The following DLGAP1 variants were observed in gnomAD, a reference collection of about 807,000 sequenced individuals.
The protein encoded by DLGAP1 is DLG associated protein 1.
A neutral mutation model predicts 90.8 loss-of-function variants in DLGAP1; 11 were observed. The observed-to-expected ratio is 0.12, with a 90% confidence interval of 0.08 to 0.20. DLGAP1 has a LOEUF of 0.20. Among genes scored for constraint, DLGAP1 ranks in the 10% least tolerant of loss-of-function variants. DLGAP1 has a pLI of 1.00. For missense variants in DLGAP1, 1,050 were observed against 1,333.8 expected (o/e 0.79, Z 3.31); for synonymous variants, 558 against 540.7 (o/e 1.03, Z -0.44).
intron 7 of DLGAP1, among the ~76,000 whole-genome samples, chr18:3,710,571 T>C (rs1024994985): frequency 2.6e-5 from 4 of 152,246 alleles, no homozygotes; most frequent in Admixed American, 1.3e-4. Context: ...TTATTCCATA[T>C]ATATTTTTAA....
intron 2 of DLGAP1, among the ~76,000 whole-genome samples, chr18:4,040,746 T>C (rs980531955): frequency 6.6e-6 from 1 of 152,160 alleles, no homozygotes; most frequent in African/African-American, 2.4e-5. Flanking sequence ...CATGTGAACG[T>C]GAAAATCTGC....
intron 4 of DLGAP1, among the ~76,000 whole-genome samples, chr18:3,837,847 G>C (rs1226435561): frequency 2.3e-5 from 1 of 43,608 alleles, no homozygotes; most frequent in Admixed American, 4.2e-4. Context: ...GTGAGATTCT[G>C]TCAAAAAAAA....
chr18:4,217,402 T>A (rs12963829), intron 1 of DLGAP1, among the ~76,000 whole-genome samples: 2 of 152,136 alleles, frequency 1.3e-5, no homozygotes, highest in African/African-American at 4.8e-5. Flanking sequence ...TACCAAGGAA[T>A]ATGATTGCTA....
At chr18:3,662,268 G>A (rs1338759364) in intron 7 of DLGAP1, among the ~76,000 whole-genome samples, 1 of 152,000 alleles carries the variant, frequency 6.6e-6, no homozygotes, top group African/African-American at 2.4e-5. Context: ...ACACTCCTAG[G>A]GGGTGGCTGT....
chr18:3,586,653 G>A (rs2055905469), intron 7 of DLGAP1, among the ~76,000 whole-genome samples: 1 of 152,074 alleles, frequency 6.6e-6, no homozygotes, highest in Admixed American at 6.5e-5. Context: ...AGAGGAAAGG[G>A]ATTCAAATCA....
intron 4 of DLGAP1, among the ~76,000 whole-genome samples, chr18:3,855,038 T>G (rs1450830807): frequency 6.6e-6 from 1 of 152,108 alleles, no homozygotes; most frequent in Non-Finnish European, 1.5e-5. Context: ...GGAATCAACC[T>G]AAATGCCCAT....
intron 2 of DLGAP1, among the ~76,000 whole-genome samples, chr18:4,034,248 G>C (rs1348581284): frequency 1.3e-5 from 2 of 150,998 alleles, no homozygotes; most frequent in Admixed American, 1.3e-4. Flanking sequence ...CACCATGTTG[G>C]CCAGGCTGGT....
At chr18:4,173,103 T>C (rs573576161) in intron 1 of DLGAP1, among the ~76,000 whole-genome samples, 11 of 152,286 alleles carry the variant, frequency 7.2e-5, no homozygotes, top group African/African-American at 2.6e-4. Context: ...ACTTGAGAAA[T>C]ATTAAAATCT....
At chr18:4,350,784 C>T (rs764723306) in intron 1 of DLGAP1, among the ~76,000 whole-genome samples, 7 of 152,094 alleles carry the variant, frequency 4.6e-5, no homozygotes, top group Non-Finnish European at 8.8e-5. Context: ...TCCAGGTCCT[C>T]GGAATTTAAC....
chr18:3,998,519 T>A (rs1295277577), intron 3 of DLGAP1, among the ~76,000 whole-genome samples: 1 of 152,124 alleles, frequency 6.6e-6, no homozygotes, highest in African/African-American at 2.4e-5. Flanking sequence ...AGCCTGTGAT[T>A]CCTTTTAGTG....
chr18:3,673,095 G>A (rs764048639), intron 7 of DLGAP1, among the ~76,000 whole-genome samples: 3 of 152,128 alleles, frequency 2.0e-5, no homozygotes, highest in African/African-American at 4.8e-5. Context: ...TCTGTCTTCC[G>A]TGGTTCCCCA....
chr18:3,689,492 C>A (rs2060820116), intron 7 of DLGAP1, among the ~76,000 whole-genome samples: 1 of 152,102 alleles, frequency 6.6e-6, no homozygotes, highest in African/African-American at 2.4e-5. Flanking sequence ...ATCATTGTAT[C>A]CTTTTTTTTA....
chr18:3,764,946 C>A (rs2064149364), intron 5 of DLGAP1, among the ~76,000 whole-genome samples: 1 of 151,850 alleles, frequency 6.6e-6, no homozygotes, highest in African/African-American at 2.4e-5. Context: ...CAGGGAAGAA[C>A]AGGGGTGAGA....
intron 7 of DLGAP1, among the ~76,000 whole-genome samples, chr18:3,680,653 A>T (rs1401414714): frequency 5.9e-5 from 9 of 152,022 alleles, no homozygotes; most frequent in African/African-American, 9.6e-5. Flanking sequence ...GCTGGGCGTG[A>T]TGGCGGGCAC....
At chr18:3,920,441 A>G (rs1472593888) in intron 3 of DLGAP1, among the ~76,000 whole-genome samples, 1 of 151,890 alleles carries the variant, frequency 6.6e-6, no homozygotes, top group Non-Finnish European at 1.5e-5. Context: ...GACTTACTAA[A>G]ATTATAGTGG....
rs779616893 is a variant in DLGAP1 at position 4,102,749 on chromosome 18, G to GT, written c.-159+48430dup. Among the ~76,000 whole-genome samples, 43 of 151,936 alleles carry GT rather than the reference G, an allele frequency of 2.8e-4. 3 individuals carry two copies. Among genetic ancestry groups the GT allele is most frequent in the Admixed American group, 9.2e-4 (14 of 15,260 alleles). On this transcript the variant is annotated intron_variant, in intron 2 of 12. Transcript: ENST00000315677. ...TAGCTGAAATGATCACACTGACATA[G>GT]TTTTTTTATTATGTATAAATATCTA...
At chr18:4,301,282 T>C (rs78163675) in intron 1 of DLGAP1, among the ~76,000 whole-genome samples, 9,282 of 152,210 alleles carry the variant, frequency 0.061, 799 homozygotes, top group African/African-American at 0.19. Context: ...TTGACCACCA[T>C]TTCCCCATTA....
Position 3,567,621 on chromosome 18 carries a change from G to C in DLGAP1, c.1966-40C>G, listed in dbSNP as rs1277551984. On this transcript the variant is annotated intron_variant, in intron 8 of 12. Coordinates refer to ENST00000315677, the MANE Select transcript of DLGAP1 (RefSeq NM_004746.4). ...AAATAAATAGAGTTGTTCCATTTCA[G>C]TCATCTTGCTTGAAAAACAAACATC... The C allele has an allele frequency of 2.6e-6, 4 of 1,544,526 alleles. No homozygotes were observed. In the African/African-American group the frequency reaches 5.5e-5, roughly 21 times the overall value.
At chr18:3,607,812 T>C (rs2057393337) in intron 7 of DLGAP1, 1 of 152,132 alleles carries the variant, frequency 6.6e-6, no homozygotes, top group East Asian at 1.9e-4. Flanking sequence ...CTGTGAGTTT[T>C]AGGGGTGGCT....
Sources: gnomAD v4.1 joint callset for allele counts (sites outside exome capture counted in the v4.1 genomes callset) on GRCh38, gnomAD v4.1.1 for gene constraint, MANE v1.5 for transcripts, NCBI Gene and HGNC (gene_info 2026-07-23, HGNC 2026-07-21) for gene names.